Variants in TMTC4 observed in about 807,000 individuals in gnomAD.
TMTC4 encodes the protein transmembrane O-mannosyltransferase targeting cadherins 4.
A neutral mutation model predicts 86.0 loss-of-function variants in TMTC4; 65 were observed. That is an observed-to-expected ratio of 0.76 (90% CI 0.62 to 0.93). The LOEUF is 0.93. Ranked by LOEUF, TMTC4 falls within the 40% of genes least tolerant of loss-of-function variation. The probability of loss-of-function intolerance (pLI) is 0.00; values close to 1 mark genes in which losing one functional copy is unlikely to be tolerated. For synonymous variants in TMTC4, 379 were observed against 382.5 expected, an observed-to-expected ratio of 0.99 and a Z score of 0.11; for missense variants, 866 against 948.1, an observed-to-expected ratio of 0.91 and a Z score of 1.14.
At position 100,656,470 on chromosome 13, in the gene TMTC4, T is replaced by G; in HGVS notation, c.553-2A>C. 1 of 1,567,282 alleles carries G rather than the reference T, an allele frequency of 6.4e-7. No homozygotes were observed. The highest frequency in any genetic ancestry group is 8.7e-7 in the Non-Finnish European group (1 of 1,154,608). On this transcript the variant is annotated splice_acceptor_variant, in intron 5 of 18. Coordinates refer to ENST00000342624, the MANE Select transcript of TMTC4 (RefSeq NM_032813.5). LOFTEE classifies it high-confidence loss of function. ...TGCACGGCCGACAACACCAGCAACC[T>G]TAAAAAAGGGGGAAGAAAACAAAGA... is the stretch of plus-strand genomic sequence containing the variant.
rs200448910 is a variant in TMTC4, at chr13:100,668,618, G to A, written c.180C>T (p.Asp60=). ...TAGCTTCTGAGTCATCAAAGACAAA[G>A]TCTCCATCATAGCTGCGTGCAAAAC... ...IVCFARSYDG[D]FVFDDSEAIV... is the part of the protein sequence containing the mutation. Residue 60 remains aspartate (D), a synonymous_variant, in exon 3 of 19, where the codon GAC becomes GAT. Transcript: ENST00000342624. 1 of 1,614,168 alleles carries A rather than the reference G, an allele frequency of 6.2e-7. No individual in the cohort carries two copies. The highest frequency in any genetic ancestry group is 1.1e-5 in the South Asian group (1 of 91,082).
intron 1 of TMTC4, chr13:100,673,228 A>T (rs1015580883): frequency 1.2e-6 from 1 of 803,204 alleles, no homozygotes; most frequent in African/African-American, 1.9e-5. Context: ...AGAAAAACAA[A>T]TGTCATCCAG....
At chr13:100,627,289 G>A (rs1282932794) in intron 12 of TMTC4, among the ~76,000 whole-genome samples, 2 of 152,210 alleles carry the variant, frequency 1.3e-5, no homozygotes. Flanking sequence ...TCAGAGCCAC[G>A]AGGCCGGCGC....
chr13:100,665,365 G>A (rs551972745), intron 3 of TMTC4, among the ~76,000 whole-genome samples: 1 of 152,328 alleles, frequency 6.6e-6, no homozygotes, highest in South Asian at 2.1e-4. Flanking sequence ...TCCCCGGGTT[G>A]TCCATCAAGA....
chr13:100,636,444 CA>C lies in TMTC4; in HGVS notation c.1202+87del, dbSNP rs1045473362. 1.3e-5 allele frequency: 19 copies of C among 1,496,184 alleles called. No individual in the cohort carries two copies. The Admixed American group carries it at 2.3e-4, about 18-fold the overall frequency. 92.7% of individuals were successfully genotyped at this position (1,496,184 alleles called of 1,614,324 possible). ...CAAATGTCCTTAGACGTGACTTCCA[CA>C]AAATCATAAAAATGATCAGCGCAGG... On this transcript the variant is annotated intron_variant, in intron 10 of 18. Transcript: ENST00000342624.
chr13:100,672,233 C>T (rs1239448898), intron 1 of TMTC4, among the ~76,000 whole-genome samples: 1 of 152,260 alleles, frequency 6.6e-6, no homozygotes, highest in Non-Finnish European at 1.5e-5. Context: ...AGCACTAGGG[C>T]CAGCAGTAGC....
At chr13:100,626,177 C>G (rs1158055072) in intron 12 of TMTC4, 27 bp from the exon 13 acceptor site, 2 of 1,610,574 alleles carry the variant, frequency 1.2e-6, no homozygotes, top group East Asian at 4.5e-5. Flanking sequence ...ATTGGGCCAT[C>G]AGCAGACAGA....
intron 17 of TMTC4, among the ~76,000 whole-genome samples, chr13:100,611,169 C>G (rs1387561032): frequency 6.6e-6 from 1 of 152,180 alleles, no homozygotes; most frequent in African/African-American, 2.4e-5. Context: ...AGGTCTTATA[C>G]ATAGGCTGAG....
At position 100,668,681 on chromosome 13, in the gene TMTC4, G is replaced by C; in HGVS notation, c.117C>G (p.Phe39Leu). The change falls in exon 3 of 19, where the codon TTC becomes TTG. Residue 39 changes from phenylalanine to leucine, a missense_variant. Physicochemically the swap from Phe to Leu is conservative, Grantham distance 22 (BLOSUM62 0). Transcript: ENST00000342624. Reference sequence around the variant, plus strand: ...CCGATCCCACTACTAACTTAGCCCAGAATGGAGGAAGAACAGAAGATGGAA... The same window carrying C: ...CCGATCCCACTACTAACTTAGCCCACAATGGAGGAAGAACAGAAGATGGAA... ...HILPSSVLPP[F>L]WAKLVVGSVA... 1 of 1,614,250 alleles carries C rather than the reference G, an allele frequency of 6.2e-7. No homozygotes were observed. Among genetic ancestry groups the C allele is most frequent in the Non-Finnish European group, 8.5e-7 (1 of 1,180,054 alleles).
intron 9 of TMTC4, 74 bp downstream of exon 9, chr13:100,637,464 G>A (rs1882396974): frequency 6.5e-7 from 1 of 1,532,784 alleles, no homozygotes; most frequent in Non-Finnish European, 8.8e-7. Flanking sequence ...AGTGAGACGA[G>A]GAGGAGGGGT....
intron 6 of TMTC4, among the ~76,000 whole-genome samples, chr13:100,650,234 G>A (rs1003250572): frequency 2.6e-5 from 4 of 152,164 alleles, no homozygotes; most frequent in African/African-American, 7.2e-5. Flanking sequence ...TGTTCTTCTC[G>A]TTTCAGTATA....
intron 2 of TMTC4, among the ~76,000 whole-genome samples, chr13:100,669,195 T>C (rs746603198): frequency 1.2e-4 from 18 of 152,230 alleles, no homozygotes; most frequent in Admixed American, 6.5e-4. Context: ...TTGTTGGGTT[T>C]TAGCACACTG....
intron 17 of TMTC4, 106 bp downstream of exon 17, chr13:100,612,292 C>T: frequency 1.2e-6 from 1 of 848,710 alleles, no homozygotes; most frequent in South Asian, 1.8e-5. Flanking sequence ...GCACCACTGC[C>T]ACTGTTTTGG....
chr13:100,614,566 T>C (rs1878176103), intron 15 of TMTC4, 136 bp from the exon 16 acceptor site: 2 of 638,338 alleles, frequency 3.1e-6, no homozygotes, highest in Non-Finnish European at 5.3e-6. Flanking sequence ...ACTTTAATTA[T>C]GGAGCTTCTA....
intron 17 of TMTC4, 115 bp from the exon 18 acceptor site, chr13:100,606,542 C>G (rs1876627169): frequency 2.5e-6 from 2 of 803,612 alleles, no homozygotes; most frequent in Non-Finnish European, 4.0e-6. Flanking sequence ...TGTATCAATG[C>G]ATTCCTCCAG....
chr13:100,635,517 C>T (rs1882098890), intron 10 of TMTC4, among the ~76,000 whole-genome samples: 1 of 152,068 alleles, frequency 6.6e-6, no homozygotes, highest in African/African-American at 2.4e-5. Flanking sequence ...ATGCCTCAAA[C>T]CATTTAGGTA....
chr13:100,670,297 A>G (rs1886925127), intron 2 of TMTC4, 63 bp downstream of exon 2: 1 of 1,570,556 alleles, frequency 6.4e-7, no homozygotes, highest in Admixed American at 1.9e-5. Flanking sequence ...AGTCACAGGC[A>G]TCTTTCTATA....
chr13:100,637,410 A>G (rs1233471441), intron 9 of TMTC4, 128 bp downstream of exon 9: 2 of 1,255,564 alleles, frequency 1.6e-6, no homozygotes, highest in Non-Finnish European at 2.2e-6. Flanking sequence ...GCAAGCAAAC[A>G]TGGAGGTGGC....
rs745527359 is a variant in TMTC4, at chr13:100,636,501, G to T, written c.1202+31C>A. ...ACAAAACGCTTCTGACTCAACCAGC[G>T]TGGAACTTAAGATTCAGTGCTGCCT... is the stretch of plus-strand genomic sequence containing the variant. On this transcript the variant is annotated intron_variant, in intron 10 of 18. Coordinates refer to ENST00000342624, the MANE Select transcript of TMTC4 (RefSeq NM_032813.5). 3.1e-6 allele frequency: 5 copies of T among 1,612,430 alleles called. No homozygotes were observed. The African/African-American group carries it at 4.0e-5, about 13-fold the overall frequency.
Sources: gnomAD v4.1 joint callset for allele counts (sites outside exome capture counted in the v4.1 genomes callset) on GRCh38, gnomAD v4.1.1 for gene constraint, MANE v1.5 for transcripts, NCBI Gene and HGNC (gene_info 2026-07-23, HGNC 2026-07-21) for gene names.